Variants in NCAPG2 observed in about 807,000 individuals in gnomAD.
NCAPG2 encodes condensin-2 complex subunit G2.
In NCAPG2, 53 loss-of-function variants were observed where a neutral mutation model predicts 141.1. The observed-to-expected ratio is 0.38, with a 90% CI of 0.30 to 0.47. The LOEUF (loss-of-function observed/expected upper bound fraction) is 0.47, where lower values mean the gene tolerates loss of function less well. Ranked by LOEUF, NCAPG2 falls within the 20% of genes least tolerant of loss-of-function variation. The pLI is 0.99. For synonymous variants in NCAPG2, 499 were observed against 490.7 expected (o/e 1.02, Z -0.22); for missense variants, 1,087 against 1,389.0 (o/e 0.78, Z 3.46).
At chr7:158,640,603 A>G (rs1026162860) in intron 27 of NCAPG2, 24 of 152,324 alleles carry the variant, frequency 1.6e-4, no homozygotes, top group African/African-American at 5.8e-4. Context: ...TATAAACTAC[A>G]TAACATTATC....
chr7:158,641,240 G>A (rs1830622373), intron 27 of NCAPG2: 3 of 353,960 alleles, frequency 8.5e-6, no homozygotes, highest in South Asian at 1.5e-4. Flanking sequence ...CAAATAACAA[G>A]GGGAACAAAT....
Position 158,650,920 on chromosome 7 carries a change from G to T in NCAPG2, c.2987C>A (p.Ser996Tyr). The change falls in exon 24 of 28, where the codon TCT becomes TAT. Residue 996 changes from serine (S) to tyrosine (Y), a missense_variant. Transcript: ENST00000356309. ...GTGCACAGGGGTGTCTGTGTGCCGA[G>T]ACTGAACAGCAGTAATGAACTCATG... ...PLHEFITAVQ[S>Y]RHTDTPVHRG... is the part of the protein sequence containing the mutation. 2 of 1,613,818 alleles carry T rather than the reference G, an allele frequency of 1.2e-6. No individual in the cohort carries two copies. The highest frequency in any genetic ancestry group is 2.2e-5 in the South Asian group (2 of 91,036).
intron 13 of NCAPG2, chr7:158,668,417 T>A (rs1833436598): frequency 1.0e-6 from 1 of 983,886 alleles, no homozygotes; most frequent in African/African-American, 1.8e-5. Flanking sequence ...TTCTGTTTTG[T>A]TTTACTGAAG....
chr7:158,672,318 ATATATATATATTTTTTTTTTTTTTTT>A (rs1833775488), intron 12 of NCAPG2, among the ~76,000 whole-genome samples: 2 of 34,872 alleles, frequency 5.7e-5, no homozygotes, highest in South Asian at 1.0e-3. Flanking sequence ...ATATATATAT[ATATATATATATTTTTTTTTTTTTTTT>A]TTTTTTTTTT....
Position 158,675,595 on chromosome 7 carries a change from A to G in NCAPG2, c.1208T>C (p.Ile403Thr), listed in dbSNP as rs1250331406. ...RSTGILGVCKITSKYWEMMPP... is the reference protein window; with the variant it reads ...RSTGILGVCKTTSKYWEMMPP... ...CATCATTTCCCAGTACTTAGAAGTT[A>G]TTTTACAAACACCAAGGATCCCTGT... The change falls in exon 12 of 28, where the codon ATA (isoleucine) becomes ACA (threonine). Residue 403 changes from isoleucine to threonine, a missense_variant. Ile to Thr is a moderately conservative substitution (Grantham distance 89). Transcript: ENST00000356309. 3 of 1,613,848 alleles carry G rather than the reference A, an allele frequency of 1.9e-6. No homozygotes were observed. In the South Asian group the frequency reaches 3.3e-5, roughly 18 times the overall value.
intron 27 of NCAPG2, among the ~76,000 whole-genome samples, chr7:158,634,327 A>T (rs1330848025): frequency 6.6e-6 from 1 of 152,106 alleles, no homozygotes; most frequent in East Asian, 1.9e-4. Flanking sequence ...GTTATACTAT[A>T]TTGTCTATAT....
In NCAPG2 at chr7:158,679,953, T is replaced by G. The variant is rs572594748; in HGVS notation, c.1146+7A>C. The G allele has an allele frequency of 6.2e-7, 1 of 1,613,456 alleles. No homozygotes were observed. The highest frequency in any genetic ancestry group is 1.1e-5 in the South Asian group (1 of 90,886). ...CTGTAAGAAGCTTGACCACCTGAAG[T>G]ACGTACATAGAGCTCTTCAAACTGT... On this transcript the variant is annotated splice_region_variant and intron_variant, in intron 11 of 27. Coordinates refer to ENST00000356309, the MANE Select transcript of NCAPG2 (RefSeq NM_017760.7).
At chr7:158,678,116 A>G (rs1014204064) in intron 11 of NCAPG2, among the ~76,000 whole-genome samples, 6 of 152,288 alleles carry the variant, frequency 3.9e-5, no homozygotes, top group Admixed American at 2.0e-4. Flanking sequence ...TTTTAAAAAA[A>G]AAAAAAAGGT....
Position 158,654,711 on chromosome 7 carries a change from C to T in NCAPG2, c.2647-17G>A, listed in dbSNP as rs1831770327. On this transcript the variant is annotated splice_polypyrimidine_tract_variant and intron_variant, in intron 21 of 27. Transcript: ENST00000356309. ...CAGGTAGGTCTGTAAGAGACAGACA[C>T]AGCTTAGCAACAAAGGCCATTTTTA... is the stretch of plus-strand genomic sequence containing the variant. The T allele has an allele frequency of 6.2e-7, 1 of 1,606,914 alleles. No homozygotes were observed.
chr7:158,690,462 T>C, intron 5 of NCAPG2, 106 bp downstream of exon 5: 1 of 1,125,012 alleles, frequency 8.9e-7, no homozygotes, highest in Non-Finnish European at 1.3e-6. Flanking sequence ...GGAGGATTGC[T>C]CGAGCCCAGG....
In NCAPG2 at chr7:158,636,931, A is replaced by G. The variant is rs566943806; in HGVS notation, c.3381-5214T>C. 5.3e-5 allele frequency among the ~76,000 whole-genome samples: 8 copies of G among 151,856 alleles called. No individual in the cohort carries two copies. In the South Asian group the frequency reaches 1.7e-3, roughly 32 times the overall value. On this transcript the variant is annotated intron_variant, in intron 27 of 27. Transcript: ENST00000356309. ...AACAAGCTCCTAAGGCCAATAGTCT[A>G]TTGGGTTTCCTCTTCTTCTTCTTCT...
intron 12 of NCAPG2, among the ~76,000 whole-genome samples, chr7:158,674,323 A>G (rs561381411): frequency 4.7e-4 from 70 of 150,454 alleles, no homozygotes; most frequent in Non-Finnish European, 9.6e-4. Flanking sequence ...GTCTGGCTCT[A>G]TCACCCAAGC....
Position 158,633,261 on chromosome 7 carries a change from G to A in NCAPG2, c.3381-1544C>T, listed in dbSNP as rs1829998162. Among the ~76,000 whole-genome samples, 1 of 149,264 alleles carries A rather than the reference G, an allele frequency of 6.7e-6. No individual in the cohort carries two copies. Among genetic ancestry groups the A allele is most frequent in the African/African-American group, 2.5e-5 (1 of 40,256 alleles). The stretch of plus-strand genomic sequence containing the variant: ...CGTGAGTATTTATGGTCTATGTTCT[G>A]AGACATCTCTCCAAATTGACCTTTC... On this transcript the variant is annotated intron_variant, in intron 27 of 27. Transcript: ENST00000356309. This position sits in a 1 kb window ranked among gnomAD's most constrained non-coding sequence, Gnocchi z 4.1.
intron 22 of NCAPG2, among the ~76,000 whole-genome samples, chr7:158,653,253 C>G (rs909152492): frequency 6.6e-6 from 1 of 151,408 alleles, no homozygotes; most frequent in African/African-American, 2.4e-5. Flanking sequence ...CCCAGCTACT[C>G]AGGAGGCTGA....
At chr7:158,639,825 A>G (rs180887324) in intron 27 of NCAPG2, 482 of 973,044 alleles carry the variant, frequency 5.0e-4, no homozygotes, top group Non-Finnish European at 5.6e-4. Flanking sequence ...ATTTAATCTT[A>G]TTTCAAACCT....
chr7:158,690,715 T>G lies in NCAPG2; in HGVS notation c.390A>C (p.Leu130Phe). Residue 130 changes from leucine to phenylalanine, a missense_variant, in exon 5 of 28, where the codon TTA becomes TTC. Physicochemically the swap from Leu to Phe is conservative, Grantham distance 22. Coordinates refer to ENST00000356309, the MANE Select transcript of NCAPG2 (RefSeq NM_017760.7). The stretch of plus-strand genomic sequence containing the variant: ...TTCGTTCAGACTCAGGTAATGCATA[T>G]AAAATACCTAAAATACAGCACAGTA... Reference protein sequence around the residue: ...LECVIILNGILYALPESERKL... With the variant: ...LECVIILNGIFYALPESERKL... 1 of 1,612,890 alleles carries G rather than the reference T, an allele frequency of 6.2e-7. No homozygotes were observed. Among genetic ancestry groups the G allele is most frequent in the Non-Finnish European group, 8.5e-7 (1 of 1,179,396 alleles).
intron 27 of NCAPG2, among the ~76,000 whole-genome samples, chr7:158,637,578 C>CTGGCCCACCCCATCCGAGCCCCACA (rs1830368947): frequency 6.6e-6 from 1 of 151,930 alleles, no homozygotes; most frequent in Non-Finnish European, 1.5e-5. Context: ...AGCTCCGGCT[C>CTGGCCCACCCCATCCGAGCCCCACA]CAGCAGCTCC....
At position 158,660,401 on chromosome 7, in the gene NCAPG2, C is replaced by CTTTTTTTTTTTTTTTTTTTTTTTTTTT. The variant is rs945928092; in HGVS notation, c.1989+1766_1989+1792dup. Among the ~76,000 whole-genome samples, 15 of 72,814 alleles carry CTTTTTTTTTTTTTTTTTTTTTTTTTTT rather than the reference C, an allele frequency of 2.1e-4. 1 individual carries two copies. Among genetic ancestry groups the CTTTTTTTTTTTTTTTTTTTTTTTTTTT allele is most frequent in the South Asian group, 5.0e-4 (1 of 2,020 alleles). 47.8% of individuals were successfully genotyped at this position (72,814 alleles called of 152,430 possible). A position where few individuals can be genotyped will look rare whatever the true frequency, so the allele number is the denominator to read the frequency against. ...AGTCCCAGGTCATTATTTCAGCTTT[C>CTTTTTTTTTTTTTTTTTTTTTTTTTTT]TTTTTTTTTTTTTTTTTTTTTTTTT... On this transcript the variant is annotated intron_variant, in intron 16 of 27. Transcript: ENST00000356309.
chr7:158,641,114 A>C, intron 27 of NCAPG2: 2 of 161,866 alleles, frequency 1.2e-5, no homozygotes, highest in Non-Finnish European at 1.3e-5. Context: ...AGAAACCACT[A>C]AGAAAGGTTT....
Sources: allele counts gnomAD v4.1 joint callset (sites outside exome capture counted in the v4.1 genomes callset), GRCh38; gene constraint gnomAD v4.1.1; non-coding constraint Gnocchi (gnomAD v3.1); transcripts MANE v1.5; gene names NCBI Gene and HGNC (gene_info 2026-07-23, HGNC 2026-07-21).